MYO1E: variants seen among roughly 807,000 people sequenced by gnomAD.
MYO1E encodes the protein unconventional myosin-Ie.
A neutral mutation model predicts 151.1 loss-of-function variants in MYO1E; 68 were observed. That is an observed-to-expected ratio of 0.45 (90% CI 0.37 to 0.55). MYO1E has a LOEUF of 0.55. Ranked by LOEUF, MYO1E falls within the 20% of genes least tolerant of loss-of-function variation. The pLI is 0.00. For missense variants in MYO1E, 1,363 were observed against 1,389.3 expected (o/e 0.98, Z 0.30); for synonymous variants, 601 against 501.7 (o/e 1.20, Z -2.64).
chr15:59,182,686 C>T lies in MYO1E; in HGVS notation c.1905-4149G>A, dbSNP rs747607171. Among the ~76,000 whole-genome samples the T allele has an allele frequency of 2.6e-5, 4 of 152,138 alleles. No individual in the cohort carries two copies. The South Asian group carries it at 6.2e-4, about 24-fold the overall frequency. ...AAGTTCCTCAACATAAAAGGAATAA[C>T]AAATTTCACAAAATGCCTACTCAGA... is the stretch of plus-strand genomic sequence containing the variant. On this transcript the variant is annotated intron_variant, in intron 18 of 27. Coordinates refer to ENST00000288235, the MANE Select transcript of MYO1E (RefSeq NM_004998.4).
Position 59,174,184 on chromosome 15 carries a change from T to C in MYO1E, c.2106A>G (p.Ile702Met), listed in dbSNP as rs754105766. 1 of 1,614,142 alleles carries C rather than the reference T, an allele frequency of 6.2e-7. No individual in the cohort carries two copies. Among genetic ancestry groups the C allele is most frequent in the Non-Finnish European group, 8.5e-7 (1 of 1,180,006 alleles). Residue 702 changes from isoleucine to methionine, a missense_variant, in exon 20 of 28, where the codon ATA (isoleucine) becomes ATG (methionine). Transcript: ENST00000288235. ...ERKYDGYARV[I>M]QKSWRKFVAR... The stretch of plus-strand genomic sequence containing the variant: ...CCACGAATTTCCTCCATGATTTCTG[T>C]ATCACTCGAGCATACCCATCATACT...
intron 1 of MYO1E, among the ~76,000 whole-genome samples, chr15:59,320,415 T>TA (rs2080618606): frequency 6.6e-6 from 1 of 152,144 alleles, no homozygotes; most frequent in Admixed American, 6.6e-5. Context: ...TAACTGACTT[T>TA]AAACTATAGT....
At chr15:59,148,295 C>G (rs555797214) in intron 26 of MYO1E, among the ~76,000 whole-genome samples, 1 of 152,220 alleles carries the variant, frequency 6.6e-6, no homozygotes, top group East Asian at 1.9e-4. Context: ...TCACCCTACT[C>G]TTACAGATGC....
At chr15:59,341,035 GA>G (rs1188917794) in intron 1 of MYO1E, among the ~76,000 whole-genome samples, 5 of 126,696 alleles carry the variant, frequency 3.9e-5, no homozygotes, top group African/African-American at 1.2e-4. Context: ...AAAAAAAAAA[GA>G]AAAAAAAGAA....
chr15:59,350,050 A>T lies in MYO1E; in HGVS notation c.3+22448T>A, dbSNP rs1006017880. ...GGTTGTGGTGCGTTACATAGTCCCAATGGTGGTATCTAAGGCATTTTATAA... is the reference window on the plus strand; with the variant it reads ...GGTTGTGGTGCGTTACATAGTCCCATTGGTGGTATCTAAGGCATTTTATAA... On this transcript the variant is annotated intron_variant, in intron 1 of 27. Coordinates refer to ENST00000288235, the MANE Select transcript of MYO1E (RefSeq NM_004998.4). The surrounding 1 kb of genome is among the most constrained non-coding windows in gnomAD (Gnocchi z 5.0). 2.0e-5 allele frequency among the ~76,000 whole-genome samples: 3 copies of T among 152,228 alleles called. No individual in the cohort carries two copies. The highest frequency in any genetic ancestry group is 4.4e-5 in the Non-Finnish European group (3 of 68,040).
intron 23 of MYO1E, among the ~76,000 whole-genome samples, chr15:59,162,667 A>G (rs2079544576): frequency 6.6e-6 from 1 of 151,590 alleles, no homozygotes. Context: ...AAGAAAAAAA[A>G]AAAAAAAGAA....
intron 1 of MYO1E, among the ~76,000 whole-genome samples, chr15:59,311,479 T>C (rs2080551492): frequency 6.6e-6 from 1 of 152,148 alleles, no homozygotes; most frequent in South Asian, 2.1e-4. Flanking sequence ...ACGGACCGTA[T>C]TGCCCAGGGG....
intron 1 of MYO1E, among the ~76,000 whole-genome samples, chr15:59,274,391 C>T (rs1398879445): frequency 2.6e-5 from 4 of 152,204 alleles, no homozygotes. Flanking sequence ...CCATTGAATG[C>T]CCATGGTCTA....
At chr15:59,247,852 C>G (rs2140364958) in intron 4 of MYO1E, among the ~76,000 whole-genome samples, 1 of 152,262 alleles carries the variant, frequency 6.6e-6, no homozygotes, top group Non-Finnish European at 1.5e-5. Context: ...CCAGCCATGG[C>G]AGCTCACGCC....
At chr15:59,192,571 A>T (rs1225961179) in intron 17 of MYO1E, among the ~76,000 whole-genome samples, 1 of 152,192 alleles carries the variant, frequency 6.6e-6, no homozygotes, top group Non-Finnish European at 1.5e-5. Context: ...TCCCTAGGCT[A>T]TGCCAACTCC....
intron 13 of MYO1E, 50 bp from the exon 14 acceptor site, chr15:59,208,898 G>T (rs1413055821): frequency 1.2e-6 from 2 of 1,607,118 alleles, no homozygotes; most frequent in African/African-American, 2.7e-5. Flanking sequence ...CTCCAAAACA[G>T]ACAATGCTTA....
At chr15:59,191,499 T>G (rs1475066222) in intron 17 of MYO1E, among the ~76,000 whole-genome samples, 1 of 152,184 alleles carries the variant, frequency 6.6e-6, no homozygotes, top group Non-Finnish European at 1.5e-5. Flanking sequence ...AAAATGCATT[T>G]AAAGGTTCTG....
intron 22 of MYO1E, among the ~76,000 whole-genome samples, chr15:59,163,893 T>C (rs549983727): frequency 6.6e-6 from 1 of 152,332 alleles, no homozygotes; most frequent in Non-Finnish European, 1.5e-5. Flanking sequence ...AGTTCAGAAA[T>C]GCGAAGGCCA....
At chr15:59,144,379 C>T (rs1269368249) in intron 26 of MYO1E, among the ~76,000 whole-genome samples, 1 of 152,042 alleles carries the variant, frequency 6.6e-6, no homozygotes, top group Non-Finnish European at 1.5e-5. Context: ...GTTGGCTAGG[C>T]TGGTGTTGAA....
Position 59,174,114 on chromosome 15 carries a change from T to C in MYO1E, c.2164+12A>G, listed in dbSNP as rs187897054. The C allele has an allele frequency of 5.4e-5, 87 of 1,603,342 alleles. No individual in the cohort carries two copies. The African/African-American group carries it at 7.5e-4, about 14-fold the overall frequency. On this transcript the variant is annotated intron_variant, in intron 20 of 27. Coordinates refer to ENST00000288235, the MANE Select transcript of MYO1E (RefSeq NM_004998.4). Reference sequence around the variant, plus strand: ...ATTTATTAAAATCAATGAAACAAAATTGCTAAAATACCTTCTTCTCTCATT... The same window carrying C: ...ATTTATTAAAATCAATGAAACAAAACTGCTAAAATACCTTCTTCTCTCATT...
intron 2 of MYO1E, among the ~76,000 whole-genome samples, chr15:59,264,272 A>G (rs1391297825): frequency 6.6e-6 from 1 of 152,196 alleles, no homozygotes; most frequent in African/African-American, 2.4e-5. Context: ...AGGCACGGAG[A>G]AATTTTTAAA....
chr15:59,220,715 T>C (rs1210593776), intron 9 of MYO1E, among the ~76,000 whole-genome samples: 4 of 151,906 alleles, frequency 2.6e-5, no homozygotes, highest in African/African-American at 9.7e-5. Flanking sequence ...TTCAGTCTTG[T>C]AACAGCAGAA....
intron 26 of MYO1E, among the ~76,000 whole-genome samples, chr15:59,151,048 C>G (rs990104714): frequency 7.8e-6 from 1 of 127,478 alleles, no homozygotes; most frequent in Non-Finnish European, 1.6e-5. Context: ...CACACACACA[C>G]ACGCGCGCGC....
At chr15:59,192,485 G>A (rs1872669621) in intron 17 of MYO1E, among the ~76,000 whole-genome samples, 1 of 152,146 alleles carries the variant, frequency 6.6e-6, no homozygotes, top group African/African-American at 2.4e-5. Context: ...TATTTTAGAG[G>A]GGCTTTCAGT....
Sources: gnomAD v4.1 joint callset for allele counts (sites outside exome capture counted in the v4.1 genomes callset) on GRCh38, gnomAD v4.1.1 for gene constraint, Gnocchi (gnomAD v3.1) non-coding constraint, MANE v1.5 for transcripts, NCBI Gene and HGNC (gene_info 2026-07-23, HGNC 2026-07-21) for gene names.